Variants in LCN8 observed in about 807,000 individuals in gnomAD.
The protein encoded by LCN8 is lipocalin 8.
Under a neutral mutation model 22.8 loss-of-function variants are expected in LCN8, and 16 were observed. The ratio of observed to expected loss-of-function variants is 0.70; its 90% CI spans 0.47 to 1.06. LCN8 has a LOEUF of 1.06. LCN8 is among the 50% of genes least tolerant of loss of function. The probability of loss-of-function intolerance (pLI) is 0.00; values close to 1 mark genes in which losing one functional copy is unlikely to be tolerated. For missense variants in LCN8, 189 were observed against 203.3 expected, an observed-to-expected ratio of 0.93 and a Z score of 0.43; for synonymous variants, 92 against 83.4, an observed-to-expected ratio of 1.10 and a Z score of -0.56.
chr9:136,757,688 A>T, intron 1 of LCN8: 1 of 1,441,602 alleles, frequency 6.9e-7, no homozygotes, highest in Non-Finnish European at 9.1e-7. Flanking sequence ...GGGAGGAAAG[A>T]ATCTTCGTCT....
At position 136,758,066 on chromosome 9, in the gene LCN8, C is replaced by T. The variant is rs568685639; in HGVS notation, c.-136G>A. Reference sequence around the variant, plus strand: ...GCCGATTCTATACGGACAGTGCAGGCTTGTGCGCCCACCCGGGAATGTCAT... The same window carrying T: ...GCCGATTCTATACGGACAGTGCAGGTTTGTGCGCCCACCCGGGAATGTCAT... On this transcript the variant is annotated 5_prime_UTR_variant, in exon 1 of 7. Transcript: ENST00000371688. 48 of 1,503,496 alleles carry T rather than the reference C, an allele frequency of 3.2e-5. No homozygotes were observed. The African/African-American group carries it at 6.1e-4, about 19-fold the overall frequency. The allele number at this position is 1,503,496 out of a possible 1,614,324, so 93.1% of individuals were successfully genotyped here.
rs193185846 is a variant in LCN8 at position 136,758,230 on chromosome 9, C to T, written c.-300G>A. Reference sequence around the variant, plus strand: ...CCCAGCCACCCTCCTGGCATATGGACAGCGGTGGACGCTGCTGGGGCCGTC... The same window carrying T: ...CCCAGCCACCCTCCTGGCATATGGATAGCGGTGGACGCTGCTGGGGCCGTC... On this transcript the variant is annotated 5_prime_UTR_variant, in exon 1 of 7. Coordinates refer to ENST00000371688, the MANE Select transcript of LCN8 (RefSeq NM_178469.4). The T allele has an allele frequency of 6.0e-6, 8 of 1,326,276 alleles. No homozygotes were observed. The East Asian group carries it at 2.3e-4, about 38-fold the overall frequency. 82.2% of individuals were successfully genotyped at this position (1,326,276 alleles called of 1,614,324 possible). A position where few individuals can be genotyped will look rare whatever the true frequency, so the allele number is the denominator to read the frequency against.
intron 3 of LCN8, chr9:136,756,042 G>A (rs1847184238): frequency 8.5e-6 from 11 of 1,298,998 alleles, no homozygotes; most frequent in Non-Finnish European, 1.1e-5. Flanking sequence ...ATGGGGAACA[G>A]TGCAGGGAGC....
intron 3 of LCN8, chr9:136,756,199 CGCAGGGAACAGCATGGGGAACAGT>C (rs1847191794): frequency 1.8e-4 from 211 of 1,192,040 alleles, no homozygotes; most frequent in Admixed American, 6.5e-4. Context: ...TGGGGAACAG[CGCAGGGAACAGCATGGGGAACAGT>C]GCAGGGAACA....
chr9:136,756,660 G>C, intron 2 of LCN8, 68 bp from the exon 3 acceptor site: 1 of 1,586,124 alleles, frequency 6.3e-7, no homozygotes, highest in South Asian at 1.2e-5. Context: ...CTCCTTCCCG[G>C]AGTGGGGCTG....
intron 6 of LCN8, 69 bp from the exon 7 acceptor site, chr9:136,754,578 G>C: frequency 1.3e-6 from 2 of 1,527,150 alleles, no homozygotes; most frequent in African/African-American, 1.4e-5. Context: ...TTCGATGAGG[G>C]CCACACGGCG....
At chr9:136,757,399 C>T in intron 1 of LCN8, 2 of 1,420,422 alleles carry the variant, frequency 1.4e-6, no homozygotes, top group Non-Finnish European at 1.8e-6. Context: ...CAGCCCCTCC[C>T]CACTGGGCCA....
At chr9:136,754,564 G>A in intron 6 of LCN8, 55 bp from the exon 7 acceptor site, 1 of 1,540,812 alleles carries the variant, frequency 6.5e-7, no homozygotes, top group Non-Finnish European at 8.7e-7. Flanking sequence ...AGGCCCCACG[G>A]GGCTTCGATG....
chr9:136,757,510 A>T, intron 1 of LCN8: 1 of 1,347,976 alleles, frequency 7.4e-7, no homozygotes, highest in Non-Finnish European at 9.5e-7. Context: ...AGAGGCCTGG[A>T]AAAGAAAGCC....
chr9:136,756,916 G>C (rs1406480548), intron 2 of LCN8, 122 bp downstream of exon 2: 1 of 1,176,358 alleles, frequency 8.5e-7, no homozygotes, highest in Non-Finnish European at 1.2e-6. Flanking sequence ...GGCACCGGGA[G>C]TGCTGGCCCA....
intron 2 of LCN8, 64 bp from the exon 3 acceptor site, chr9:136,756,656 C>T: frequency 1.9e-6 from 3 of 1,590,598 alleles, no homozygotes; most frequent in Non-Finnish European, 2.6e-6. Context: ...TGGGCTCCTT[C>T]CCGGAGTGGG....
rs772737582 is a variant in LCN8, at chr9:136,756,393, A to C, written c.226+129T>G. On this transcript the variant is annotated intron_variant, in intron 3 of 6. Transcript: ENST00000371688. ...CAGGGAACAGCATGGGGAACAGTGC[A>C]GGGAACAGCACAGAGAACAGTGCAG... The C allele has an allele frequency of 8.8e-6, 14 of 1,595,218 alleles. No individual in the cohort carries two copies. In the African/African-American group the frequency reaches 1.9e-4, roughly 22 times the overall value.
In LCN8 at chr9:136,757,979, G is replaced by A. The variant is rs1474473030; in HGVS notation, c.-49C>T. 1.4e-5 allele frequency: 22 copies of A among 1,609,952 alleles called. No individual in the cohort carries two copies. Among genetic ancestry groups the A allele is most frequent in the Non-Finnish European group, 1.8e-5 (21 of 1,178,988 alleles). On this transcript the variant is annotated 5_prime_UTR_variant, in exon 1 of 7. Coordinates refer to ENST00000371688, the MANE Select transcript of LCN8 (RefSeq NM_178469.4). ...GCACCACGAGGACACCCAGGATGGTGCACGGCAGCCTGGCCTCCGTGGCGG... is the reference window on the plus strand; with the variant it reads ...GCACCACGAGGACACCCAGGATGGTACACGGCAGCCTGGCCTCCGTGGCGG...
At chr9:136,756,442 G>A (rs774807033) in intron 3 of LCN8, 80 bp downstream of exon 3, 13 of 1,613,022 alleles carry the variant, frequency 8.1e-6, no homozygotes, top group South Asian at 3.3e-5. Context: ...GAACAGTGCA[G>A]GGAACAGCAT....
chr9:136,754,849 G>T (rs1847144982), intron 6 of LCN8: 2 of 1,347,024 alleles, frequency 1.5e-6, no homozygotes, highest in Non-Finnish European at 9.5e-7. Context: ...CGCCATTTCT[G>T]CTCCCCTGCC....
intron 3 of LCN8, chr9:136,756,289 A>G: frequency 6.6e-7 from 1 of 1,510,230 alleles, no homozygotes; most frequent in Non-Finnish European, 8.8e-7. Context: ...CAGCATGGGG[A>G]ATAGTGCAGG....
In LCN8 at chr9:136,755,287, C is replaced by T; in HGVS notation, c.378G>A (p.Arg126=). The T allele has an allele frequency of 1.9e-6, 3 of 1,611,562 alleles. No individual in the cohort carries two copies. In the East Asian group the frequency reaches 6.7e-5, roughly 36 times the overall value. Residue 126 remains arginine (R), a synonymous_variant, in exon 5 of 7, where the codon CGG becomes CGA. Transcript: ENST00000371688. ...AGAGACCAGTGTCTGCTGTCAGCTCCCGAAACTTCCAGAACCCCAGCCGGT... is the reference window on the plus strand; with the variant it reads ...AGAGACCAGTGTCTGCTGTCAGCTCTCGAAACTTCCAGAACCCCAGCCGGT... ...DKDRLGFWKF[R]ELTADTGLYL...
intron 3 of LCN8, chr9:136,755,728 A>G (rs1409077345): frequency 6.6e-7 from 1 of 1,517,658 alleles, no homozygotes; most frequent in Non-Finnish European, 8.8e-7. Context: ...CAGCATGGGG[A>G]ACAGTGCAGG....
At chr9:136,756,982 G>T in intron 2 of LCN8, 56 bp downstream of exon 2, 1 of 1,582,774 alleles carries the variant, frequency 6.3e-7, no homozygotes, top group South Asian at 1.1e-5. Flanking sequence ...AGCAACCCAC[G>T]CCCAGTCCCC....
Sources: allele counts gnomAD v4.1 joint callset, GRCh38; gene constraint gnomAD v4.1.1; transcripts MANE v1.5; gene names NCBI Gene and HGNC (gene_info 2026-07-23, HGNC 2026-07-21).